The following MRC2 variants were observed in gnomAD, a reference collection of about 807,000 sequenced individuals.
MRC2 encodes C-type mannose receptor 2.
In MRC2, 84 loss-of-function variants were observed where a neutral mutation model predicts 206.2. That is an observed-to-expected ratio of 0.41 (90% CI 0.34 to 0.49). The LOEUF (loss-of-function observed/expected upper bound fraction) is 0.49, where lower values mean the gene tolerates loss of function less well. Among genes scored for constraint, MRC2 ranks in the 20% least tolerant of loss-of-function variants. The pLI, the probability that MRC2 is intolerant of heterozygous loss-of-function variation, is 0.31. For synonymous variants in MRC2, 798 were observed against 800.0 expected, an observed-to-expected ratio of 1.00 and a Z score of 0.04; for missense variants, 1,676 against 2,001.5, an observed-to-expected ratio of 0.84 and a Z score of 3.10.
rs2088942479 is a variant in MRC2 at position 62,680,042 on chromosome 17, A to G, written c.2299-128A>G. 6.6e-7 allele frequency: 1 copy of G among 1,524,248 alleles called. No homozygotes were observed. Among genetic ancestry groups the G allele is most frequent in the East Asian group, 2.3e-5 (1 of 44,050 alleles). The allele number at this position is 1,524,248 out of a possible 1,614,324, so 94.4% of individuals were successfully genotyped here. A position where few individuals can be genotyped will look rare whatever the true frequency, so the allele number is the denominator to read the frequency against. ...AGCCGGCTTCAGGAAAGCAGGTCCG[A>G]GAGGGGTCACCCGGCCCCCGGTGAG... On this transcript the variant is annotated intron_variant, in intron 14 of 29. Coordinates refer to ENST00000303375, the MANE Select transcript of MRC2 (RefSeq NM_006039.5). The surrounding 1 kb of genome is among the most constrained non-coding windows in gnomAD (Gnocchi z 4.8).
chr17:62,650,046 CA>C lies in MRC2; in HGVS notation c.119-14501del, dbSNP rs1474744564. The stretch of plus-strand genomic sequence containing the variant: ...AGTAGCTGGGACTACAGGCACCCGC[CA>C]CCACACCCGGCTAAGTTTTGTATTT... On this transcript the variant is annotated intron_variant, in intron 1 of 29. Coordinates refer to ENST00000303375, the MANE Select transcript of MRC2 (RefSeq NM_006039.5). 2.6e-5 allele frequency among the ~76,000 whole-genome samples: 4 copies of C among 152,108 alleles called. No homozygotes were observed. In the East Asian group the frequency reaches 7.7e-4, roughly 29 times the overall value.
Position 62,659,081 on chromosome 17 carries a change from G to A in MRC2, c.119-5467G>A, listed in dbSNP as rs543803333. ...AATGTCTGGTGAGGGCCACTTCCTC[G>A]TGGACAGCTGTCTTCTCACTGTACC... On this transcript the variant is annotated intron_variant, in intron 1 of 29. Coordinates refer to ENST00000303375, the MANE Select transcript of MRC2 (RefSeq NM_006039.5). Among the ~76,000 whole-genome samples, 114 of 152,310 alleles carry A rather than the reference G, an allele frequency of 7.5e-4. 1 individual carries two copies. The highest frequency in any genetic ancestry group is 2.7e-3 in the African/African-American group (112 of 41,580).
Position 62,627,916 on chromosome 17 carries a change from C to G in MRC2, c.114C>G (p.Leu38=), listed in dbSNP as rs767404518. Residue 38 remains leucine (L), a synonymous_variant, in exon 1 of 30, where the codon CTC becomes CTG. Transcript: ENST00000303375. ...CCGGCGCCCCTGGGGACGCCGCCCT[C>G]CCGGGTAAGGCGCTGCCAACTTGGC... ...GRPGAPGDAA[L]PEPNVFLIFS... The G allele has an allele frequency of 3.4e-6, 5 of 1,450,976 alleles. No homozygotes were observed. The African/African-American group carries it at 6.0e-5, about 17-fold the overall frequency. 89.9% of individuals were successfully genotyped at this position (1,450,976 alleles called of 1,614,324 possible). A position where few individuals can be genotyped will look rare whatever the true frequency, so the allele number is the denominator to read the frequency against.
At position 62,664,666 on chromosome 17, in the gene MRC2, G is replaced by C; in HGVS notation, c.237G>C (p.Trp79Cys). The C allele has an allele frequency of 6.2e-7, 1 of 1,613,878 alleles. No homozygotes were observed. Among genetic ancestry groups the C allele is most frequent in the Non-Finnish European group, 8.5e-7 (1 of 1,180,032 alleles). The change falls in exon 2 of 30, where the codon TGG (tryptophan) becomes TGC (cysteine). Residue 79 changes from tryptophan to cysteine, a missense_variant. Physicochemically the swap from Trp to Cys is radical, Grantham distance 215. This residue lies in a region of MRC2 where 318 missense variants were observed against 346.7 expected (regional missense o/e 0.92). Coordinates refer to ENST00000303375, the MANE Select transcript of MRC2 (RefSeq NM_006039.5). This position sits in a 1 kb window ranked among gnomAD's most constrained non-coding sequence, Gnocchi z 4.7. ...GCCTCCCTGCCCAGCGCTGGAAGTGGGTCTCCCGAAACCGGCTATTCAACC... is the reference window on the plus strand; with the variant it reads ...GCCTCCCTGCCCAGCGCTGGAAGTGCGTCTCCCGAAACCGGCTATTCAACC... The part of the protein sequence containing the change: ...NTSLPAQRWK[W>C]VSRNRLFNLG...
chr17:62,668,993 G>A (rs1416690054), intron 6 of MRC2, among the ~76,000 whole-genome samples: 1 of 152,040 alleles, frequency 6.6e-6, no homozygotes. Flanking sequence ...GTAGTTGGCT[G>A]TGGATGTTTA....
chr17:62,680,648 TG>T lies in MRC2; in HGVS notation c.2474-148del. The T allele has an allele frequency of 2.4e-6, 3 of 1,268,998 alleles. No individual in the cohort carries two copies. The highest frequency in any genetic ancestry group is 3.2e-6 in the Non-Finnish European group (3 of 945,074). 78.6% of individuals were successfully genotyped at this position (1,268,998 alleles called of 1,614,324 possible). On this transcript the variant is annotated intron_variant, in intron 16 of 29. Coordinates refer to ENST00000303375, the MANE Select transcript of MRC2 (RefSeq NM_006039.5). The surrounding 1 kb of genome is among the most constrained non-coding windows in gnomAD (Gnocchi z 4.8). ...TGGGAGGCGAGGCAAGCCTGGGGCC[TG>T]GGGCCTGGCACGGTGCCTGCCTGGG...
intron 1 of MRC2, among the ~76,000 whole-genome samples, chr17:62,643,056 G>A (rs978770684): frequency 4.6e-5 from 7 of 152,250 alleles, no homozygotes; most frequent in Admixed American, 3.3e-4. Context: ...AGCCAGGCGC[G>A]GTTGCTCTCG....
At chr17:62,684,866 C>T (rs763276304) in intron 20 of MRC2, among the ~76,000 whole-genome samples, 1 of 152,186 alleles carries the variant, frequency 6.6e-6, no homozygotes, top group African/African-American at 2.4e-5. Flanking sequence ...CACGGCCAGG[C>T]GCTGTGGCTC....
At chr17:62,679,309 CAT>C (rs796297450) in intron 13 of MRC2, 6 of 158,674 alleles carry the variant, frequency 3.8e-5, no homozygotes, top group African/African-American at 1.4e-4. Flanking sequence ...CTGTGCTAAA[CAT>C]ATAGTCCTCA....
chr17:62,689,816 G>T, intron 24 of MRC2, 56 bp downstream of exon 24: 1 of 1,531,564 alleles, frequency 6.5e-7, no homozygotes. Context: ...TCCCCTCCCT[G>T]CCCCTTCCTG....
intron 20 of MRC2, 149 bp downstream of exon 20, chr17:62,682,526 T>A: frequency 1.1e-6 from 1 of 897,890 alleles, no homozygotes; most frequent in Non-Finnish European, 1.6e-6. Context: ...CTGGCTCCAG[T>A]ACCAGGGCCA....
rs779289590 is a variant in MRC2, at chr17:62,679,861, C to A, written c.2257C>A (p.Pro753Thr). 6.2e-7 allele frequency: 1 copy of A among 1,613,856 alleles called. No homozygotes were observed. Among genetic ancestry groups the A allele is most frequent in the South Asian group, 1.1e-5 (1 of 91,066 alleles). Reference sequence around the variant, plus strand: ...CTGGATCGGCCTGAACCGTCGGGATCCCAGAGGGGGTCAGAGTTGGCGCTG... The same window carrying A: ...CTGGATCGGCCTGAACCGTCGGGATACCAGAGGGGGTCAGAGTTGGCGCTG... The part of the protein sequence containing the change: ...WFWIGLNRRD[P>T]RGGQSWRWSD... Residue 753 changes from proline to threonine, a missense_variant, in exon 14 of 30, where the codon CCC (proline) becomes ACC (threonine). By Grantham distance (38) the Pro-to-Thr change is conservative (BLOSUM62 -1). Transcript: ENST00000303375.
chr17:62,674,249 C>T, intron 9 of MRC2, 79 bp downstream of exon 9: 2 of 1,050,114 alleles, frequency 1.9e-6, no homozygotes. Context: ...TGGATGAACT[C>T]CTGCTGCCTC....
chr17:62,675,802 C>A lies in MRC2; in HGVS notation c.1582C>A (p.His528Asn). 1 of 1,614,134 alleles carries A rather than the reference C, an allele frequency of 6.2e-7. No homozygotes were observed. Among genetic ancestry groups the A allele is most frequent in the South Asian group, 1.1e-5 (1 of 91,080 alleles). ...ACTCTTGAGCCAGGGTTGGACGTGGCACAGCCCATCCTGCTACTGGCTGGG... is the reference window on the plus strand; with the variant it reads ...ACTCTTGAGCCAGGGTTGGACGTGGAACAGCCCATCCTGCTACTGGCTGGG... ...DHGCRKGWTW[H>N]SPSCYWLGED... is the part of the protein sequence containing the mutation. Residue 528 changes from histidine to asparagine, a missense_variant, in exon 10 of 30, where the codon CAC (histidine) becomes AAC (asparagine). Physicochemically the swap from His to Asn is moderately conservative, Grantham distance 68. Around this residue, in one of 3 missense-constraint regions of MRC2, gnomAD observed 1,354 missense variants for 1,636.6 expected, o/e 0.83. Coordinates refer to ENST00000303375, the MANE Select transcript of MRC2 (RefSeq NM_006039.5). This position sits in a 1 kb window ranked among gnomAD's most constrained non-coding sequence, Gnocchi z 4.1.
rs2089117658 is a variant in MRC2 at position 62,692,019 on chromosome 17, C to G, written c.4193-93C>G. ...CTAGAGCCTCTTTCTCCCCAGACCT[C>G]CCGGCCCAGGCCTGTGTGCTTTGTA... is the stretch of plus-strand genomic sequence containing the variant. On this transcript the variant is annotated intron_variant, in intron 28 of 29. Coordinates refer to ENST00000303375, the MANE Select transcript of MRC2 (RefSeq NM_006039.5). The surrounding 1 kb of genome is among the most constrained non-coding windows in gnomAD (Gnocchi z 4.2). 46 of 1,563,354 alleles carry G rather than the reference C, an allele frequency of 2.9e-5. No homozygotes were observed. Among genetic ancestry groups the G allele is most frequent in the Non-Finnish European group, 4.0e-5 (46 of 1,138,898 alleles).
intron 1 of MRC2, among the ~76,000 whole-genome samples, chr17:62,655,528 C>T (rs773527648): frequency 7.2e-5 from 11 of 151,758 alleles, no homozygotes; most frequent in Non-Finnish European, 1.3e-4. Context: ...GGCAACAGAG[C>T]GAGACTCCAT....
At chr17:62,637,946 C>G (rs982058931) in intron 1 of MRC2, among the ~76,000 whole-genome samples, 1 of 152,174 alleles carries the variant, frequency 6.6e-6, no homozygotes, top group Non-Finnish European at 1.5e-5. Context: ...CTCACGGGAG[C>G]CTCGACCTCC....
chr17:62,635,223 CTCAA>C (rs2088299322), intron 1 of MRC2, among the ~76,000 whole-genome samples: 1 of 135,952 alleles, frequency 7.4e-6, no homozygotes, highest in Non-Finnish European at 1.5e-5. Flanking sequence ...CAGAAATAGC[CTCAA>C]TCAGAGGCAT....
chr17:62,692,057 T>C lies in MRC2; in HGVS notation c.4193-55T>C. Reference sequence around the variant, plus strand: ...TGTGTGCTTTGTATGTTTACTTAAGTGATTATTACGATGATCACTGCTATT... The same window carrying C: ...TGTGTGCTTTGTATGTTTACTTAAGCGATTATTACGATGATCACTGCTATT... On this transcript the variant is annotated intron_variant, in intron 28 of 29. Coordinates refer to ENST00000303375, the MANE Select transcript of MRC2 (RefSeq NM_006039.5). The surrounding 1 kb of genome is among the most constrained non-coding windows in gnomAD (Gnocchi z 4.2). The C allele has an allele frequency of 6.2e-7, 1 of 1,612,854 alleles. No homozygotes were observed. The highest frequency in any genetic ancestry group is 8.5e-7 in the Non-Finnish European group (1 of 1,178,954).
Sources: gnomAD v4.1 joint callset for allele counts (sites outside exome capture counted in the v4.1 genomes callset) on GRCh38, gnomAD v4.1.1 for gene constraint, gnomAD v4.1.1 regional missense constraint, Gnocchi (gnomAD v3.1) non-coding constraint, MANE v1.5 for transcripts, NCBI Gene and HGNC (gene_info 2026-07-23, HGNC 2026-07-21) for gene names.